CELF4: variants seen among roughly 807,000 people sequenced by gnomAD.
The protein encoded by CELF4 is CUGBP Elav-like family member 4.
Under a neutral mutation model 59.9 loss-of-function variants are expected in CELF4, and 18 were observed. The ratio of observed to expected loss-of-function variants is 0.30; its 90% CI spans 0.21 to 0.45. The LOEUF is 0.45. Ranked by LOEUF, CELF4 falls within the 20% of genes least tolerant of loss-of-function variation. CELF4 has a pLI of 1.00. For synonymous variants in CELF4, 261 were observed against 267.1 expected (o/e 0.98, Z 0.22); for missense variants, 456 against 689.0 (o/e 0.66, Z 3.79).
intron 8 of CELF4, among the ~76,000 whole-genome samples, chr18:37,267,510 A>C (rs1183662814): frequency 6.6e-6 from 1 of 152,110 alleles, no homozygotes; most frequent in Non-Finnish European, 1.5e-5. Flanking sequence ...AAGCCCAGAG[A>C]GGTGGTAGAG....
At chr18:37,278,891 C>A (rs1037117071) in intron 3 of CELF4, among the ~76,000 whole-genome samples, 20 of 152,226 alleles carry the variant, frequency 1.3e-4, no homozygotes, top group African/African-American at 4.1e-4. Flanking sequence ...ACTCTGCCCA[C>A]CTCCTTTCTG....
intron 1 of CELF4, among the ~76,000 whole-genome samples, chr18:37,501,475 C>T (rs1041506897): frequency 2.0e-5 from 3 of 152,210 alleles, no homozygotes; most frequent in Non-Finnish European, 1.5e-5. Flanking sequence ...CTGTTAATTG[C>T]TCAGCCCTGG....
intron 4 of CELF4, 50 bp downstream of exon 4, chr18:37,275,065 C>T: frequency 6.2e-7 from 1 of 1,601,438 alleles, no homozygotes; most frequent in Non-Finnish European, 8.5e-7. Context: ...TGGTCTCCCT[C>T]CGCCTCGCCC....
In CELF4 at chr18:37,437,886, ATTGGGAGGTGGGGCCT is replaced by A. The variant is rs1371347398; in HGVS notation, c.369+47623_369+47638del. Among the ~76,000 whole-genome samples, 4 of 152,268 alleles carry A rather than the reference ATTGGGAGGTGGGGCCT, an allele frequency of 2.6e-5. No individual in the cohort carries two copies. In the East Asian group the frequency reaches 7.7e-4, roughly 29 times the overall value. The stretch of plus-strand genomic sequence containing the variant: ...CCCAAATTCTTATGTTGAAACCTGT[ATTGGGAGGTGGGGCCT>A]TTGGGAGATTAATTAGGTGTAGATG... On this transcript the variant is annotated intron_variant, in intron 2 of 12. Coordinates refer to ENST00000420428, the MANE Select transcript of CELF4 (RefSeq NM_020180.4).
chr18:37,447,380 A>G (rs2099751048), intron 2 of CELF4, among the ~76,000 whole-genome samples: 1 of 152,190 alleles, frequency 6.6e-6, no homozygotes, highest in Admixed American at 6.5e-5. Flanking sequence ...GTCACTACAG[A>G]CACTGCACAG....
chr18:37,469,431 C>A (rs2099816124), intron 2 of CELF4, among the ~76,000 whole-genome samples: 1 of 152,216 alleles, frequency 6.6e-6, no homozygotes, highest in African/African-American at 2.4e-5. Flanking sequence ...TTAATAAATT[C>A]ATGCATTATT....
At chr18:37,371,612 G>T (rs2098882514) in intron 2 of CELF4, among the ~76,000 whole-genome samples, 1 of 152,186 alleles carries the variant, frequency 6.6e-6, no homozygotes, top group African/African-American at 2.4e-5. Context: ...CCTAGTGTAG[G>T]CTTTCTTGAT....
In CELF4 at chr18:37,491,319, T is replaced by A. The variant is rs772793770; in HGVS notation, c.287-5712A>T. Among the ~76,000 whole-genome samples, 64 of 151,762 alleles carry A rather than the reference T, an allele frequency of 4.2e-4. No individual in the cohort carries two copies. In the Middle Eastern group the frequency reaches 0.01, roughly 24 times the overall value. ...CTGGCCAGCAGAGACCTGCCTGTCCTCTAATACTTGAGATTCTATCACATA... is the reference window on the plus strand; with the variant it reads ...CTGGCCAGCAGAGACCTGCCTGTCCACTAATACTTGAGATTCTATCACATA... On this transcript the variant is annotated intron_variant, in intron 1 of 12. Transcript: ENST00000420428.
At chr18:37,308,416 G>A (rs1162992246) in intron 3 of CELF4, among the ~76,000 whole-genome samples, 3 of 152,196 alleles carry the variant, frequency 2.0e-5, no homozygotes, top group African/African-American at 7.2e-5. Flanking sequence ...AGCAGACACT[G>A]TCCTCCAGAG....
At chr18:37,312,943 C>G (rs2096729394) in intron 3 of CELF4, among the ~76,000 whole-genome samples, 1 of 152,192 alleles carries the variant, frequency 6.6e-6, no homozygotes, top group South Asian at 2.1e-4. Flanking sequence ...ATATGTAGCC[C>G]CCAAAACACA....
chr18:37,346,531 T>C lies in CELF4; in HGVS notation c.370-24650A>G, dbSNP rs1050224912. ...GGATGGACCACCTAGTCGGGTTCTT[T>C]GTGTGGATGAAGACACGCCAGGAGG... On this transcript the variant is annotated intron_variant, in intron 2 of 12. Coordinates refer to ENST00000420428, the MANE Select transcript of CELF4 (RefSeq NM_020180.4). Among the ~76,000 whole-genome samples the C allele has an allele frequency of 2.6e-4, 39 of 152,264 alleles. 1 individual carries two copies. The highest frequency in any genetic ancestry group is 3.4e-3 in the Middle Eastern group (1 of 294).
intron 3 of CELF4, among the ~76,000 whole-genome samples, chr18:37,276,763 A>T (rs1436827757): frequency 2.6e-5 from 4 of 152,204 alleles, no homozygotes; most frequent in Non-Finnish European, 4.4e-5. Context: ...GTTTCGGGCT[A>T]AATTGGTATG....
At chr18:37,406,745 C>T (rs1272461082) in intron 2 of CELF4, among the ~76,000 whole-genome samples, 2 of 152,122 alleles carry the variant, frequency 1.3e-5, no homozygotes, top group African/African-American at 4.8e-5. Flanking sequence ...GAGTGCAGGG[C>T]CCTGTACTCA....
At chr18:37,275,553 T>A in intron 3 of CELF4, 1 of 386,606 alleles carries the variant, frequency 2.6e-6, no homozygotes, top group Non-Finnish European at 4.9e-6. Context: ...GGCTGCACCC[T>A]GAGGAGCAGA....
chr18:37,260,945 C>T (rs544434216), intron 10 of CELF4, among the ~76,000 whole-genome samples: 27 of 152,222 alleles, frequency 1.8e-4, no homozygotes, highest in Middle Eastern at 6.8e-3. Context: ...TCCAGGGGTT[C>T]CTGGTGCTGG....
intron 1 of CELF4, among the ~76,000 whole-genome samples, chr18:37,558,976 G>C (rs2099985739): frequency 6.6e-6 from 1 of 151,998 alleles, no homozygotes; most frequent in African/African-American, 2.4e-5. Flanking sequence ...TGAGTCAGTG[G>C]GTGAGCAGAA....
intron 3 of CELF4, among the ~76,000 whole-genome samples, chr18:37,298,395 C>T (rs1355626419): frequency 6.6e-6 from 1 of 152,154 alleles, no homozygotes; most frequent in Non-Finnish European, 1.5e-5. Context: ...CTACTCAAGG[C>T]CCCTGGTGGA....
Position 37,298,580 on chromosome 18 carries a change from A to G in CELF4, c.448+23223T>C, listed in dbSNP as rs112517773. Among the ~76,000 whole-genome samples, 703 of 152,140 alleles carry G rather than the reference A, an allele frequency of 4.6e-3. 11 individuals carry two copies. Among genetic ancestry groups the G allele is most frequent in the African/African-American group, 0.016 (673 of 41,490 alleles). ...CCCCATCTCTACTAAAAATACAAAA[A>G]TTAGCTGAGTGTGGTGGCACACACC... is the stretch of plus-strand genomic sequence containing the variant. On this transcript the variant is annotated intron_variant, in intron 3 of 12. Coordinates refer to ENST00000420428, the MANE Select transcript of CELF4 (RefSeq NM_020180.4).
At chr18:37,336,190 C>T (rs1215574834) in intron 2 of CELF4, among the ~76,000 whole-genome samples, 1 of 152,190 alleles carries the variant, frequency 6.6e-6, no homozygotes, top group Non-Finnish European at 1.5e-5. Context: ...CAGAATGCGC[C>T]CCTCACGGCT....
Sources: allele counts gnomAD v4.1 joint callset (sites outside exome capture counted in the v4.1 genomes callset), GRCh38; gene constraint gnomAD v4.1.1; transcripts MANE v1.5; gene names NCBI Gene and HGNC (gene_info 2026-07-23, HGNC 2026-07-21).